BLNK: variants seen among roughly 807,000 people sequenced by gnomAD.
BLNK encodes B-cell linker protein.
A neutral mutation model predicts 73.5 loss-of-function variants in BLNK; 29 were observed. The ratio of observed to expected loss-of-function variants is 0.39; its 90% CI spans 0.29 to 0.54. The LOEUF (loss-of-function observed/expected upper bound fraction) is 0.54. Ranked by LOEUF, BLNK falls within the 20% of genes least tolerant of loss-of-function variation. The pLI is 0.61. For synonymous variants in BLNK, 176 were observed against 200.8 expected (o/e 0.88, Z 1.04); for missense variants, 460 against 562.8 (o/e 0.82, Z 1.85).
intron 4 of BLNK, among the ~76,000 whole-genome samples, chr10:96,228,461 T>G (rs1384483596): frequency 2.6e-5 from 4 of 152,184 alleles, no homozygotes; most frequent in Non-Finnish European, 5.9e-5. Context: ...TTCACCATGT[T>G]GGCCAGGCTG....
At chr10:96,217,494 G>T (rs2084094931) in intron 6 of BLNK, among the ~76,000 whole-genome samples, 2 of 152,100 alleles carry the variant, frequency 1.3e-5, no homozygotes, top group Non-Finnish European at 2.9e-5. Context: ...TTTTATTACA[G>T]CCATCCTTGT....
chr10:96,226,645 A>T (rs1404893555), intron 5 of BLNK, among the ~76,000 whole-genome samples: 2 of 152,126 alleles, frequency 1.3e-5, no homozygotes, highest in Non-Finnish European at 2.9e-5. Context: ...GTTTGAGACC[A>T]GCCTGGCCAA....
At chr10:96,216,384 A>G in intron 7 of BLNK, 1 of 493,578 alleles carries the variant, frequency 2.0e-6, no homozygotes. Flanking sequence ...GGGCAGCTGA[A>G]GAGAACTACC....
intron 6 of BLNK, 134 bp downstream of exon 6, chr10:96,223,692 T>C: frequency 2.8e-6 from 3 of 1,064,358 alleles, no homozygotes; most frequent in Non-Finnish European, 4.2e-6. Flanking sequence ...CCCTTTGGTA[T>C]AATAGTGGAG....
intron 1 of BLNK, among the ~76,000 whole-genome samples, chr10:96,270,210 T>C (rs911836162): frequency 5.3e-5 from 8 of 152,186 alleles, no homozygotes; most frequent in Non-Finnish European, 1.0e-4. Flanking sequence ...TTGATGCATT[T>C]CACATTACCT....
intron 6 of BLNK, among the ~76,000 whole-genome samples, chr10:96,223,483 T>G (rs1316748311): frequency 6.6e-6 from 1 of 151,988 alleles, no homozygotes; most frequent in Non-Finnish European, 1.5e-5. Context: ...GGATTTGCTG[T>G]CAGTAACAAC....
At chr10:96,237,417 C>A (rs1327272074) in intron 3 of BLNK, among the ~76,000 whole-genome samples, 1 of 152,138 alleles carries the variant, frequency 6.6e-6, no homozygotes, top group Non-Finnish European at 1.5e-5. Flanking sequence ...CTCCTCCCTG[C>A]ATGATAGCAG....
chr10:96,227,412 A>G lies in BLNK; in HGVS notation c.359T>C (p.Ile120Thr). Reference sequence around the variant, plus strand: ...CCCAGGTCTGCGGGGGACCTCACCTATATACTCGCCTCTGGCGAAGGGCAG... The same window carrying G: ...CCCAGGTCTGCGGGGGACCTCACCTGTATACTCGCCTCTGGCGAAGGGCAG... ...PALPFARGEY[I>T]DNRSSQRHSP... The change falls in exon 5 of 17, where the codon ATA becomes ACA. Residue 120 changes from isoleucine to threonine, a missense_variant and splice_region_variant. Coordinates refer to ENST00000224337, the MANE Select transcript of BLNK (RefSeq NM_013314.4). 6.2e-7 allele frequency: 1 copy of G among 1,613,732 alleles called. No homozygotes were observed. Among genetic ancestry groups the G allele is most frequent in the Non-Finnish European group, 8.5e-7 (1 of 1,180,028 alleles).
intron 1 of BLNK, among the ~76,000 whole-genome samples, chr10:96,266,034 T>A (rs927438372): frequency 1.3e-5 from 2 of 152,252 alleles, no homozygotes; most frequent in Admixed American, 1.3e-4. Context: ...TGGAATCTAT[T>A]AAGAAGCCAA....
chr10:96,224,774 T>G (rs1203635877), intron 5 of BLNK, among the ~76,000 whole-genome samples: 1 of 152,244 alleles, frequency 6.6e-6, no homozygotes, highest in Non-Finnish European at 1.5e-5. Flanking sequence ...CTCTGGTTAC[T>G]GCAACCTCCG....
chr10:96,198,326 CA>C (rs1554895213), intron 15 of BLNK, among the ~76,000 whole-genome samples: 1 of 152,026 alleles, frequency 6.6e-6, no homozygotes, highest in African/African-American at 2.4e-5. Flanking sequence ...AGAAGAAAAA[CA>C]AATAAGGGAA....
At chr10:96,224,686 ATTTTTAAT>A (rs1385304435) in intron 5 of BLNK, among the ~76,000 whole-genome samples, 1 of 151,964 alleles carries the variant, frequency 6.6e-6, no homozygotes, top group Non-Finnish European at 1.5e-5. Context: ...CTTCATTGTT[ATTTTTAAT>A]TTTTTAATTT....
At chr10:96,257,635 T>C (rs1429547586) in intron 1 of BLNK, among the ~76,000 whole-genome samples, 5 of 152,260 alleles carry the variant, frequency 3.3e-5, no homozygotes, top group African/African-American at 1.2e-4. Flanking sequence ...TAAAATATTA[T>C]ATTAAATACT....
chr10:96,258,249 C>A (rs1264458086), intron 1 of BLNK, among the ~76,000 whole-genome samples: 1 of 152,142 alleles, frequency 6.6e-6, no homozygotes, highest in African/African-American at 2.4e-5. Flanking sequence ...TTTGGCAGTC[C>A]CTTCCATGGT....
chr10:96,215,277 T>C, intron 8 of BLNK, 44 bp downstream of exon 8: 2 of 1,560,832 alleles, frequency 1.3e-6, no homozygotes, highest in Non-Finnish European at 1.8e-6. Flanking sequence ...TTTTTCTTAT[T>C]TGAAATAGAC....
intron 5 of BLNK, among the ~76,000 whole-genome samples, chr10:96,224,539 A>G (rs1383803523): frequency 6.6e-6 from 1 of 152,198 alleles, no homozygotes; most frequent in Non-Finnish European, 1.5e-5. Context: ...CCTTTGGTCC[A>G]GGACTGTCCT....
In BLNK at chr10:96,191,235, C is replaced by CTTTTTTTTTTT. The variant is rs34920263; in HGVS notation, c.*727_*737dup. On this transcript the variant is annotated 3_prime_UTR_variant, in exon 17 of 17. Transcript: ENST00000224337. ...GTGGAACTGTGAGTCCATTAAACCT[C>CTTTTTTTTTTT]TTTTTTTTTTTTTTTTTTTATGTAA... is the stretch of plus-strand genomic sequence containing the variant. Among the ~76,000 whole-genome samples, 1 of 130,264 alleles carries CTTTTTTTTTTT rather than the reference C, an allele frequency of 7.7e-6. No homozygotes were observed. The allele number at this position is 130,264 out of a possible 152,430, so 85.5% of individuals were successfully genotyped here.
intron 1 of BLNK, among the ~76,000 whole-genome samples, chr10:96,250,670 G>A (rs1843247381): frequency 6.6e-6 from 1 of 152,000 alleles, no homozygotes; most frequent in Non-Finnish European, 1.5e-5. Flanking sequence ...GGGAACCAGG[G>A]GCCAATTTGC....
rs782547336 is a variant in BLNK, at chr10:96,191,993, A to G, written c.1351T>C (p.Tyr451His). 6.2e-7 allele frequency: 1 copy of G among 1,613,772 alleles called. No homozygotes were observed. The highest frequency in any genetic ancestry group is 8.5e-7 in the Non-Finnish European group (1 of 1,179,780). The change falls in exon 17 of 17, where the codon TAT becomes CAT. Residue 451 changes from tyrosine to histidine, a missense_variant. By Grantham distance (83) the Tyr-to-His change is moderately conservative. This residue lies in a region of BLNK where 88 missense variants were observed against 143.4 expected (regional missense o/e 0.61). Transcript: ENST00000224337. ...CCCCTTTATGAAACTTTAACTGCAT[A>G]CTTCAGTCTGGTGGAATCTTTTGTG... Reference protein sequence around the residue: ...NNTKDSTRLKYAVKVS With the variant: ...NNTKDSTRLKHAVKVS
Sources: gnomAD v4.1 joint callset for allele counts (sites outside exome capture counted in the v4.1 genomes callset) on GRCh38, gnomAD v4.1.1 for gene constraint, gnomAD v4.1.1 regional missense constraint, MANE v1.5 for transcripts, NCBI Gene and HGNC (gene_info 2026-07-23, HGNC 2026-07-21) for gene names.